Variants in GRK6 observed in about 807,000 individuals in gnomAD.
GRK6 encodes G protein-coupled receptor kinase 6.
GRK6 carries 37 observed loss-of-function variants against 80.8 expected under a neutral mutation model. That is an observed-to-expected ratio of 0.46 (90% CI 0.35 to 0.60). The LOEUF is 0.60. Among genes scored for constraint, GRK6 ranks in the 20% least tolerant of loss-of-function variants. GRK6 has a pLI of 0.00. For synonymous variants in GRK6, 295 were observed against 320.9 expected (o/e 0.92, Z 0.86); for missense variants, 560 against 784.6 (o/e 0.71, Z 3.42).
intron 1 of GRK6, 93 bp downstream of exon 1, chr5:177,426,990 C>T (rs1396701235): frequency 3.6e-6 from 3 of 835,736 alleles, no homozygotes. Flanking sequence ...GTCGGATCCC[C>T]TAGGCCCGCG....
At chr5:177,430,459 C>T (rs1470488696) in intron 1 of GRK6, among the ~76,000 whole-genome samples, 1 of 152,212 alleles carries the variant, frequency 6.6e-6, no homozygotes, top group Non-Finnish European at 1.5e-5. Context: ...TGTCCCCATG[C>T]TGCCCTGTGC....
At chr5:177,441,406 G>C (rs559812491) in intron 15 of GRK6, 2 of 896,818 alleles carry the variant, frequency 2.2e-6, no homozygotes, top group Non-Finnish European at 3.4e-6. Flanking sequence ...TGGCCCCTTC[G>C]AGCTGCCAGC....
Position 177,442,108 on chromosome 5 carries a change from CT to C in GRK6, c.*320del. 2.7e-6 allele frequency: 1 copy of C among 366,322 alleles called. No individual in the cohort carries two copies. Among genetic ancestry groups the C allele is most frequent in the Non-Finnish European group, 4.9e-6 (1 of 202,180 alleles). The allele number at this position is 366,322 out of a possible 1,614,324, so 22.7% of individuals were successfully genotyped here. On this transcript the variant is annotated 3_prime_UTR_variant, in exon 16 of 16. Coordinates refer to ENST00000355472, the MANE Select transcript of GRK6 (RefSeq NM_001004106.3). ...CCCGCCGCAGACCTGGCGCCCCCGC[CT>C]TGGCTCCTGGGGGCAGCCAGCCCTG...
At chr5:177,434,242 TA>T in intron 9 of GRK6, 138 bp downstream of exon 9, 1 of 909,220 alleles carries the variant, frequency 1.1e-6, no homozygotes, top group South Asian at 2.0e-5. Flanking sequence ...GGCACCGGCT[TA>T]ACTCACACGC....
chr5:177,441,098 G>A (rs2127382469), intron 15 of GRK6, 45 bp downstream of exon 15: 2 of 1,602,898 alleles, frequency 1.2e-6, no homozygotes, highest in Non-Finnish European at 1.7e-6. Context: ...CCTGGCTCCA[G>A]GGGACGGTGG....
chr5:177,441,479 G>A, intron 15 of GRK6: 1 of 628,884 alleles, frequency 1.6e-6, no homozygotes, highest in South Asian at 1.9e-5. Context: ...GCTGGGCAGA[G>A]GCCTTGCCCT....
chr5:177,436,916 G>A (rs555175638), intron 13 of GRK6, among the ~76,000 whole-genome samples: 4 of 151,692 alleles, frequency 2.6e-5, no homozygotes, highest in South Asian at 2.1e-4. Flanking sequence ...TCCTTCCTTC[G>A]TTCTTTTTTC....
intron 8 of GRK6, 42 bp from the exon 9 acceptor site, chr5:177,433,872 C>T: frequency 6.6e-7 from 1 of 1,520,506 alleles, no homozygotes; most frequent in Non-Finnish European, 8.8e-7. Context: ...CGCCAAGCGC[C>T]CCGCAGCTCC....
At chr5:177,434,196 G>C in intron 9 of GRK6, 92 bp downstream of exon 9, 1 of 1,246,350 alleles carries the variant, frequency 8.0e-7, no homozygotes, top group Non-Finnish European at 1.1e-6. Flanking sequence ...CTGCCGATCA[G>C]GCCAGACTAC....
chr5:177,425,777 G>A (rs540437948), upstream of GRK6, among the ~76,000 whole-genome samples: 2 of 152,376 alleles, frequency 1.3e-5, no homozygotes, highest in South Asian at 2.1e-4. Flanking sequence ...TTCCTGCTGC[G>A]TGAAGTAGGG....
In GRK6 at chr5:177,428,405, C is replaced by T. The variant is rs948133983; in HGVS notation, c.52+1508C>T. The stretch of plus-strand genomic sequence containing the variant: ...TGGTACCTCCACTAGAGAACCCTTA[C>T]GACAACCTGGCTCTGCCCCTCCCAC... On this transcript the variant is annotated intron_variant, in intron 1 of 15. Transcript: ENST00000355472. This position sits in a 1 kb window ranked among gnomAD's most constrained non-coding sequence, Gnocchi z 4.1. 3.2e-4 allele frequency among the ~76,000 whole-genome samples: 48 copies of T among 152,354 alleles called. No homozygotes were observed. The highest frequency in any genetic ancestry group is 2.3e-3 in the East Asian group (12 of 5,186).
chr5:177,436,039 C>T (rs1340307567), intron 11 of GRK6, 34 bp from the exon 12 acceptor site: 1 of 1,590,270 alleles, frequency 6.3e-7, no homozygotes, highest in Non-Finnish European at 8.6e-7. Context: ...TGCCCGCCTC[C>T]TGCCCAGCCC....
chr5:177,439,334 T>A (rs1764336139), intron 13 of GRK6, among the ~76,000 whole-genome samples: 1 of 151,442 alleles, frequency 6.6e-6, no homozygotes, highest in Admixed American at 6.6e-5. Flanking sequence ...AGGTCAGGAG[T>A]TCAAGACCAG....
At chr5:177,438,243 C>G (rs867452819) in intron 13 of GRK6, among the ~76,000 whole-genome samples, 2 of 152,134 alleles carry the variant, frequency 1.3e-5, no homozygotes, top group Non-Finnish European at 2.9e-5. Context: ...TGGCGCATGC[C>G]TGTAATCCCA....
chr5:177,425,855 C>T (rs932742089), upstream of GRK6, among the ~76,000 whole-genome samples: 1 of 152,270 alleles, frequency 6.6e-6, no homozygotes, highest in Admixed American at 6.5e-5. Context: ...TTGTTTTCTC[C>T]GTAGTCTTCG....
Position 177,440,784 on chromosome 5 carries a change from G to T in GRK6, c.1489G>T (p.Asp497Tyr). 2 of 1,614,196 alleles carry T rather than the reference G, an allele frequency of 1.2e-6. No individual in the cohort carries two copies. The highest frequency in any genetic ancestry group is 2.7e-5 in the African/African-American group (2 of 75,060). ...CGTGGAGCTGGAGCCTACCGACCAG[G>T]ACTTCTACCAGAAGTTTGCCACAGG... Reference protein sequence around the residue: ...KGVELEPTDQDFYQKFATGSV... With the variant: ...KGVELEPTDQYFYQKFATGSV... The change falls in exon 14 of 16, where the codon GAC (aspartate) becomes TAC (tyrosine). Residue 497 changes from aspartate (D) to tyrosine (Y), a missense_variant. Asp to Tyr is a radical substitution (Grantham distance 160, BLOSUM62 -3). Coordinates refer to ENST00000355472, the MANE Select transcript of GRK6 (RefSeq NM_001004106.3).
chr5:177,427,120 C>T (rs1187490322), intron 1 of GRK6, among the ~76,000 whole-genome samples: 1 of 152,016 alleles, frequency 6.6e-6, no homozygotes, highest in African/African-American at 2.4e-5. Context: ...GCCGCCCTCG[C>T]GGCGGGTGGG....
Position 177,441,881 on chromosome 5 carries a change from A to T in GRK6, c.*91A>T, listed in dbSNP as rs1764528374. 24 of 1,181,696 alleles carry T rather than the reference A, an allele frequency of 2.0e-5. No homozygotes were observed. Among genetic ancestry groups the T allele is most frequent in the South Asian group, 5.2e-5 (4 of 76,210 alleles). The allele number at this position is 1,181,696 out of a possible 1,614,324, so 73.2% of individuals were successfully genotyped here. On this transcript the variant is annotated 3_prime_UTR_variant, in exon 16 of 16. Transcript: ENST00000355472. ...TGCACAGTGATCTTCCCCATTGTCC[A>T]CTCAAGTCGTGGCCTGGGGAACACA...
Position 177,435,052 on chromosome 5 carries a change from C to T in GRK6, c.988C>T (p.Leu330=). The change falls in exon 11 of 16, where the codon CTG becomes TTG. Residue 330 remains leucine (L), a synonymous_variant. Transcript: ENST00000355472. ...CTCAGGCCACATCCGCATCTCTGAC[C>T]TGGGACTAGCTGTGCATGTGCCCGA... ...DDHGHIRISD[L]GLAVHVPEGQ... 6.2e-7 allele frequency: 1 copy of T among 1,612,762 alleles called. No homozygotes were observed. Among genetic ancestry groups the T allele is most frequent in the Non-Finnish European group, 8.5e-7 (1 of 1,179,718 alleles).
Sources: gnomAD v4.1 joint callset for allele counts (sites outside exome capture counted in the v4.1 genomes callset) on GRCh38, gnomAD v4.1.1 for gene constraint, Gnocchi (gnomAD v3.1) non-coding constraint, MANE v1.5 for transcripts, NCBI Gene and HGNC (gene_info 2026-07-23, HGNC 2026-07-21) for gene names.